The following HMGA2 variants were observed in gnomAD, a reference collection of about 807,000 sequenced individuals.
The protein encoded by HMGA2 is high mobility group protein HMGI-C.
A neutral mutation model predicts 19.1 loss-of-function variants in HMGA2; 8 were observed. That is an observed-to-expected ratio of 0.42 (90% CI 0.25 to 0.76). The LOEUF is 0.76. HMGA2 is among the 30% of genes least tolerant of loss of function. HMGA2 has a pLI of 0.28. For missense variants in HMGA2, 109 were observed against 136.3 expected, an observed-to-expected ratio of 0.80 and a Z score of 1.00; for synonymous variants, 60 against 48.8, an observed-to-expected ratio of 1.23 and a Z score of -0.96.
At chr12:65,856,717 C>G (rs569673586) in intron 3 of HMGA2, 2 of 152,512 alleles carry the variant, frequency 1.3e-5, no homozygotes, top group African/African-American at 4.8e-5. Context: ...AGGGAAGAAT[C>G]TGTTCCATCT....
chr12:65,940,705 G>A (rs550447156), intron 3 of HMGA2, among the ~76,000 whole-genome samples: 1 of 152,288 alleles, frequency 6.6e-6, no homozygotes, highest in Non-Finnish European at 1.5e-5. Context: ...GGAAAAAGAT[G>A]TGGAGCTATA....
At chr12:65,956,029 T>G (rs920745648) in intron 4 of HMGA2, 4 of 152,074 alleles carry the variant, frequency 2.6e-5, no homozygotes, top group African/African-American at 9.7e-5. Context: ...AGTCTAGACA[T>G]ACAAAGAGGG....
chr12:65,956,067 T>G (rs892487598), intron 4 of HMGA2: 13 of 145,484 alleles, frequency 8.9e-5, no homozygotes, highest in African/African-American at 3.1e-4. Context: ...GCATTCTCAC[T>G]CTAACACTCG....
chr12:65,950,140 C>T (rs1324743843), intron 3 of HMGA2, among the ~76,000 whole-genome samples: 1 of 152,188 alleles, frequency 6.6e-6, no homozygotes, highest in Non-Finnish European at 1.5e-5. Context: ...CTTTAGAAAG[C>T]TGTCTGGCAG....
chr12:65,932,319 A>T (rs899643817), intron 3 of HMGA2, among the ~76,000 whole-genome samples: 1 of 152,230 alleles, frequency 6.6e-6, no homozygotes, highest in Non-Finnish European at 1.5e-5. Context: ...CTCAAACTAC[A>T]TTTATGAATT....
intron 3 of HMGA2, among the ~76,000 whole-genome samples, chr12:65,895,579 C>G (rs1874092606): frequency 6.6e-6 from 1 of 152,094 alleles, no homozygotes; most frequent in African/African-American, 2.4e-5. Context: ...TAGACCCCGG[C>G]TCTTGTATAA....
intron 2 of HMGA2, among the ~76,000 whole-genome samples, chr12:65,835,830 T>G (rs1870694082): frequency 6.6e-6 from 1 of 152,166 alleles, no homozygotes; most frequent in Non-Finnish European, 1.5e-5. Context: ...ATAGGCTCCT[T>G]CTCCCACCCT....
At chr12:65,940,704 T>C (rs1331839904) in intron 3 of HMGA2, among the ~76,000 whole-genome samples, 1 of 152,142 alleles carries the variant, frequency 6.6e-6, no homozygotes, top group Non-Finnish European at 1.5e-5. Context: ...GGGAAAAAGA[T>C]GTGGAGCTAT....
intron 3 of HMGA2, among the ~76,000 whole-genome samples, chr12:65,942,103 C>T (rs1433378049): frequency 6.6e-6 from 1 of 152,138 alleles, no homozygotes; most frequent in Admixed American, 6.5e-5. Context: ...TGGTAATCTC[C>T]AATAGCATCT....
intron 3 of HMGA2, chr12:65,915,631 T>A: frequency 1.2e-6 from 1 of 816,160 alleles, no homozygotes; most frequent in Non-Finnish European, 1.5e-6. Flanking sequence ...AGTTTGTCAG[T>A]AACATTTCAT....
intron 3 of HMGA2, among the ~76,000 whole-genome samples, chr12:65,843,699 A>AC: frequency 7.1e-6 from 1 of 141,062 alleles, no homozygotes; most frequent in Non-Finnish European, 1.5e-5. Context: ...CACACACACA[A>AC]GCACACACAC....
At chr12:65,838,066 T>C (rs2854596) in intron 2 of HMGA2, among the ~76,000 whole-genome samples, 1 of 152,174 alleles carries the variant, frequency 6.6e-6, no homozygotes, top group Non-Finnish European at 1.5e-5. Flanking sequence ...GCTTTGTAAA[T>C]TGTAAAGTAA....
intron 2 of HMGA2, 128 bp from the exon 3 acceptor site, chr12:65,838,391 A>G (rs1013525786): frequency 1.6e-5 from 11 of 698,538 alleles, no homozygotes; most frequent in African/African-American, 1.5e-4. Flanking sequence ...TGTTAAAAAA[A>G]ACAAAAAAAA....
intron 3 of HMGA2, among the ~76,000 whole-genome samples, chr12:65,893,652 G>A (rs1010985585): frequency 1.3e-5 from 2 of 152,176 alleles, no homozygotes; most frequent in Non-Finnish European, 2.9e-5. Flanking sequence ...GAGCTGTCCT[G>A]CATTTCAGGG....
intron 3 of HMGA2, among the ~76,000 whole-genome samples, chr12:65,888,996 CCA>C (rs1438390215): frequency 6.6e-6 from 1 of 152,142 alleles, no homozygotes; most frequent in Admixed American, 6.5e-5. Flanking sequence ...CCTTCTGTGT[CCA>C]CACTAGGAGG....
At chr12:65,853,930 A>T (rs544720913) in intron 3 of HMGA2, among the ~76,000 whole-genome samples, 30 of 152,354 alleles carry the variant, frequency 2.0e-4, no homozygotes, top group Middle Eastern at 3.4e-3. Context: ...CACTGTAGTT[A>T]ATCTAGGAGA....
chr12:65,942,402 A>T (rs1402804558), intron 3 of HMGA2, among the ~76,000 whole-genome samples: 2 of 152,188 alleles, frequency 1.3e-5, no homozygotes, highest in Non-Finnish European at 2.9e-5. Context: ...GGCCTTAAAA[A>T]ATATGTATAT....
chr12:65,911,735 A>G (rs2121212862), intron 3 of HMGA2, among the ~76,000 whole-genome samples: 1 of 152,278 alleles, frequency 6.6e-6, no homozygotes, highest in South Asian at 2.1e-4. Flanking sequence ...CATACCTGAG[A>G]TGATGAGATC....
chr12:65,922,175 G>A (rs1875338932), intron 3 of HMGA2, among the ~76,000 whole-genome samples: 2 of 152,102 alleles, frequency 1.3e-5, no homozygotes, highest in Admixed American at 1.3e-4. Flanking sequence ...GTGAGAAGAG[G>A]GTCACCATCC....
Sources: gnomAD v4.1 joint callset for allele counts (sites outside exome capture counted in the v4.1 genomes callset) on GRCh38, gnomAD v4.1.1 for gene constraint, MANE v1.5 for transcripts, NCBI Gene and HGNC (gene_info 2026-07-23, HGNC 2026-07-21) for gene names.